The following BICC1 variants were observed in gnomAD, a reference collection of about 807,000 sequenced individuals.
BICC1 encodes BicC family RNA binding protein 1.
BICC1 carries 43 observed loss-of-function variants against 111.0 expected under a neutral mutation model. The observed-to-expected ratio is 0.39, with a 90% CI of 0.30 to 0.50. The LOEUF is 0.50. Among genes scored for constraint, BICC1 ranks in the 20% least tolerant of loss-of-function variants. The pLI, the probability that BICC1 is intolerant of heterozygous loss-of-function variation, is 0.88. For missense variants in BICC1, 1,091 were observed against 1,203.2 expected (o/e 0.91, Z 1.38); for synonymous variants, 467 against 434.4 (o/e 1.07, Z -0.93).
At chr10:58,624,805 G>T (rs935262882) in intron 2 of BICC1, among the ~76,000 whole-genome samples, 3 of 152,034 alleles carry the variant, frequency 2.0e-5, no homozygotes, top group Non-Finnish European at 4.4e-5. Flanking sequence ...TGTTGACCAG[G>T]CTGGTCTTGA....
chr10:58,565,823 C>A (rs542353438), intron 1 of BICC1, among the ~76,000 whole-genome samples: 13 of 151,806 alleles, frequency 8.6e-5, no homozygotes, highest in Non-Finnish European at 1.9e-4. Flanking sequence ...TTTAAAAATC[C>A]TTTATTTCCA....
intron 2 of BICC1, among the ~76,000 whole-genome samples, chr10:58,647,819 G>A (rs2132237049): frequency 6.6e-6 from 1 of 152,140 alleles, no homozygotes; most frequent in Admixed American, 6.5e-5. Context: ...AAGGAAGCAT[G>A]GCTCTGCAAA....
intron 2 of BICC1, among the ~76,000 whole-genome samples, chr10:58,628,523 C>CT (rs938060077): frequency 6.6e-6 from 1 of 152,024 alleles, no homozygotes. Context: ...TCTGTGCCTT[C>CT]TTTTCTTCAG....
intron 2 of BICC1, chr10:58,648,670 G>T (rs1290668041): frequency 1.0e-6 from 1 of 984,486 alleles, no homozygotes; most frequent in Non-Finnish European, 1.2e-6. Flanking sequence ...GAACGCTAAG[G>T]TACAGAATGC....
At chr10:58,562,946 T>G (rs1021676882) in intron 1 of BICC1, among the ~76,000 whole-genome samples, 1 of 152,170 alleles carries the variant, frequency 6.6e-6, no homozygotes, top group Non-Finnish European at 1.5e-5. Flanking sequence ...GTGTGGGGCC[T>G]GCCAGGCAGG....
chr10:58,587,626 T>C (rs938133030), intron 1 of BICC1, among the ~76,000 whole-genome samples: 1 of 152,176 alleles, frequency 6.6e-6, no homozygotes, highest in African/African-American at 2.4e-5. Context: ...CTTACTGGCT[T>C]GGGGGTTTTG....
intron 2 of BICC1, among the ~76,000 whole-genome samples, chr10:58,682,944 T>C (rs1839585086): frequency 6.6e-6 from 1 of 152,256 alleles, no homozygotes; most frequent in African/African-American, 2.4e-5. Flanking sequence ...GTTTTAGTCA[T>C]GAAGTCCTTG....
chr10:58,663,681 A>G (rs1397262944), intron 2 of BICC1, among the ~76,000 whole-genome samples: 1 of 152,200 alleles, frequency 6.6e-6, no homozygotes, highest in African/African-American at 2.4e-5. Context: ...ATGAGAATCT[A>G]ATGCCTGATG....
chr10:58,546,838 A>G (rs531023903), intron 1 of BICC1, among the ~76,000 whole-genome samples: 2 of 152,174 alleles, frequency 1.3e-5, no homozygotes, highest in South Asian at 2.1e-4. Context: ...TACTTTTTCA[A>G]AAAAATTTAA....
At chr10:58,732,923 C>G (rs1231548010) in intron 3 of BICC1, among the ~76,000 whole-genome samples, 1 of 151,618 alleles carries the variant, frequency 6.6e-6, no homozygotes, top group Non-Finnish European at 1.5e-5. Context: ...CAGGAATTAC[C>G]AAAACATGAC....
chr10:58,750,395 C>A (rs1366684976), intron 3 of BICC1, among the ~76,000 whole-genome samples: 2 of 151,992 alleles, frequency 1.3e-5, no homozygotes, highest in South Asian at 4.1e-4. Context: ...AAACATATAA[C>A]CACTAAGGAA....
intron 1 of BICC1, among the ~76,000 whole-genome samples, chr10:58,520,904 G>T (rs1056329361): frequency 1.3e-5 from 2 of 152,086 alleles, no homozygotes; most frequent in Non-Finnish European, 2.9e-5. Context: ...TGCATTTTGA[G>T]TTTGTACCAT....
intron 1 of BICC1, among the ~76,000 whole-genome samples, chr10:58,574,408 G>T (rs1412778639): frequency 1.3e-5 from 2 of 152,152 alleles, no homozygotes; most frequent in African/African-American, 4.8e-5. Context: ...CTTTTTTCTG[G>T]GAAGTGAGAT....
intron 1 of BICC1, among the ~76,000 whole-genome samples, chr10:58,587,704 A>G (rs1483795901): frequency 6.6e-6 from 1 of 152,186 alleles, no homozygotes; most frequent in Non-Finnish European, 1.5e-5. Context: ...ATTCAAAGTT[A>G]TGGCATATGG....
chr10:58,566,405 G>A (rs1317376383), intron 1 of BICC1, among the ~76,000 whole-genome samples: 2 of 151,998 alleles, frequency 1.3e-5, no homozygotes, highest in South Asian at 2.1e-4. Context: ...GTCATTGATT[G>A]ATGGGCATTT....
At chr10:58,549,927 G>C (rs1306388501) in intron 1 of BICC1, among the ~76,000 whole-genome samples, 2 of 151,940 alleles carry the variant, frequency 1.3e-5, no homozygotes, top group Non-Finnish European at 2.9e-5. Context: ...TACCTCAGGT[G>C]ATCCACCTGC....
chr10:58,589,258 T>G (rs558631305), intron 1 of BICC1, among the ~76,000 whole-genome samples: 1 of 152,248 alleles, frequency 6.6e-6, no homozygotes, highest in Admixed American at 6.5e-5. Flanking sequence ...GGGATCACCT[T>G]CTGCATAAAT....
intron 3 of BICC1, among the ~76,000 whole-genome samples, chr10:58,709,413 A>G (rs1370469186): frequency 6.6e-6 from 1 of 152,224 alleles, no homozygotes; most frequent in Non-Finnish European, 1.5e-5. Context: ...GTGCACAAAT[A>G]TATTAGTAGG....
intron 3 of BICC1, among the ~76,000 whole-genome samples, chr10:58,716,646 C>T (rs966035878): frequency 3.3e-5 from 5 of 152,010 alleles, no homozygotes; most frequent in African/African-American, 1.2e-4. Context: ...TCAGAAATGA[C>T]CAGATGACTC....
Sources: allele counts gnomAD v4.1 joint callset (sites outside exome capture counted in the v4.1 genomes callset), GRCh38; gene constraint gnomAD v4.1.1; transcripts MANE v1.5; gene names NCBI Gene and HGNC (gene_info 2026-07-23, HGNC 2026-07-21).